The following CACNA1I variants were observed in gnomAD, a reference collection of about 807,000 sequenced individuals.
CACNA1I encodes calcium voltage-gated channel subunit alpha1 I.
A neutral mutation model predicts 201.6 loss-of-function variants in CACNA1I; 74 were observed. That is an observed-to-expected ratio of 0.37 (90% CI 0.30 to 0.45). The LOEUF (loss-of-function observed/expected upper bound fraction) is 0.45, where lower values mean the gene tolerates loss of function less well. Among genes scored for constraint, CACNA1I ranks in the 20% least tolerant of loss-of-function variants. The pLI is 1.00. For missense variants in CACNA1I, 2,346 were observed against 3,138.1 expected (o/e 0.75, Z 6.03); for synonymous variants, 1,431 against 1,345.2 (o/e 1.06, Z -1.40).
rs1291343333 is a variant in CACNA1I, at chr22:39,666,264, C to T, written c.4104+258C>T. 6.6e-6 allele frequency among the ~76,000 whole-genome samples: 1 copy of T among 152,048 alleles called. No individual in the cohort carries two copies. The highest frequency in any genetic ancestry group is 1.5e-5 in the Non-Finnish European group (1 of 68,006). On this transcript the variant is annotated intron_variant, in intron 23 of 36. Coordinates refer to ENST00000402142, the MANE Select transcript of CACNA1I (RefSeq NM_021096.4). This position sits in a 1 kb window ranked among gnomAD's most constrained non-coding sequence, Gnocchi z 4.1. Reference sequence around the variant, plus strand: ...GTGCTTTGTGAACATTGGTTCTTGGCTCCCACCCCCGACCCAGGGACCCCT... The same window carrying T: ...GTGCTTTGTGAACATTGGTTCTTGGTTCCCACCCCCGACCCAGGGACCCCT...
Position 39,684,210 on chromosome 22 carries a change from G to T in CACNA1I, c.5831-92G>T. On this transcript the variant is annotated intron_variant, in intron 35 of 36. Coordinates refer to ENST00000402142, the MANE Select transcript of CACNA1I (RefSeq NM_021096.4). This position sits in a 1 kb window ranked among gnomAD's most constrained non-coding sequence, Gnocchi z 4.6. ...TTTATTAGGTGGCCCCTCACTGCTG[G>T]CCCAGTGAGATTGGTGCTCAATGCC... 1 of 1,059,852 alleles carries T rather than the reference G, an allele frequency of 9.4e-7. No individual in the cohort carries two copies. The highest frequency in any genetic ancestry group is 1.4e-6 in the Non-Finnish European group (1 of 706,242). The allele number at this position is 1,059,852 out of a possible 1,614,324, so 65.7% of individuals were successfully genotyped here. A position where few individuals can be genotyped will look rare whatever the true frequency, so the allele number is the denominator to read the frequency against.
chr22:39,621,677 A>G (rs1933748072), intron 4 of CACNA1I, among the ~76,000 whole-genome samples: 1 of 152,056 alleles, frequency 6.6e-6, no homozygotes, highest in Non-Finnish European at 1.5e-5. Flanking sequence ...TACGATAGAA[A>G]ACGCTGGGGG....
chr22:39,684,641 C>T lies in CACNA1I; in HGVS notation c.6027+143C>T. Reference sequence around the variant, plus strand: ...CACCGTGCAAGGGGGTTTGGGAACGCTGGGGTGACGCTGAGACTGGAGGGG... The same window carrying T: ...CACCGTGCAAGGGGGTTTGGGAACGTTGGGGTGACGCTGAGACTGGAGGGG... On this transcript the variant is annotated intron_variant, in intron 36 of 36. Transcript: ENST00000402142. This position sits in a 1 kb window ranked among gnomAD's most constrained non-coding sequence, Gnocchi z 4.6. The T allele has an allele frequency of 1.2e-6, 1 of 802,738 alleles. No homozygotes were observed. Among genetic ancestry groups the T allele is most frequent in the South Asian group, 1.7e-5 (1 of 60,274 alleles). The allele number at this position is 802,738 out of a possible 1,614,324, so 49.7% of individuals were successfully genotyped here. A position where few individuals can be genotyped will look rare whatever the true frequency, so the allele number is the denominator to read the frequency against.
At chr22:39,670,270 T>C in intron 25 of CACNA1I, 40 bp downstream of exon 25, 2 of 1,589,382 alleles carry the variant, frequency 1.3e-6, no homozygotes, top group Non-Finnish European at 1.7e-6. Flanking sequence ...CACCCAGCTC[T>C]AAGCCCTTCT....
At chr22:39,585,652 T>A (rs932009906) in intron 1 of CACNA1I, among the ~76,000 whole-genome samples, 1 of 138,764 alleles carries the variant, frequency 7.2e-6, no homozygotes, top group Non-Finnish European at 1.5e-5. Context: ...CCTCCCAAAG[T>A]GCTGGGTGAG....
Position 39,677,273 on chromosome 22 carries a change from C to T in CACNA1I, c.4855-68C>T. The stretch of plus-strand genomic sequence containing the variant: ...CCCAACCCCACTGCCCCAGCCTCCA[C>T]CCTTCCCAGGCCTGGTGCGCCCCCA... On this transcript the variant is annotated intron_variant, in intron 29 of 36. Transcript: ENST00000402142. The surrounding 1 kb of genome is among the most constrained non-coding windows in gnomAD (Gnocchi z 4.8). 1.8e-6 allele frequency: 2 copies of T among 1,098,836 alleles called. No homozygotes were observed. Among genetic ancestry groups the T allele is most frequent in the Middle Eastern group, 2.6e-4 (1 of 3,802 alleles). 68.1% of individuals were successfully genotyped at this position (1,098,836 alleles called of 1,614,324 possible). A position where few individuals can be genotyped will look rare whatever the true frequency, so the allele number is the denominator to read the frequency against.
chr22:39,678,714 T>C lies in CACNA1I; in HGVS notation c.5056-393T>C, dbSNP rs546861234. ...ATGGAGTCTTCTTGGGCTTTGTGGT[T>C]GGGGGTTGAGCTGAAAAACCAGAAA... On this transcript the variant is annotated intron_variant, in intron 31 of 36. Coordinates refer to ENST00000402142, the MANE Select transcript of CACNA1I (RefSeq NM_021096.4). Among the ~76,000 whole-genome samples the C allele has an allele frequency of 5.9e-5, 9 of 152,172 alleles. No individual in the cohort carries two copies. The East Asian group carries it at 1.7e-3, about 29-fold the overall frequency.
rs376573537 is a variant in CACNA1I at position 39,598,800 on chromosome 22, C to A, written c.348+538C>A. The stretch of plus-strand genomic sequence containing the variant: ...CTGGGGTGGGGCTTGACCTTTGGTA[C>A]CTGACATAACCCTGTGCAGAGCATG... On this transcript the variant is annotated intron_variant, in intron 2 of 36. Transcript: ENST00000402142. 1.1e-4 allele frequency among the ~76,000 whole-genome samples: 16 copies of A among 152,152 alleles called. No individual in the cohort carries two copies. In the East Asian group the frequency reaches 3.1e-3, roughly 29 times the overall value.
At chr22:39,661,862 TG>T in intron 16 of CACNA1I, 102 bp from the exon 17 acceptor site, 1 of 671,562 alleles carries the variant, frequency 1.5e-6, no homozygotes, top group Non-Finnish European at 2.4e-6. Context: ...GCCAGGTGGG[TG>T]GTCTTAGAGC....
intron 1 of CACNA1I, among the ~76,000 whole-genome samples, chr22:39,579,224 A>G (rs1932467616): frequency 2.0e-5 from 3 of 152,210 alleles, no homozygotes; most frequent in African/African-American, 4.8e-5. Context: ...ATGACCCATC[A>G]GACTCTCTGA....
intron 1 of CACNA1I, among the ~76,000 whole-genome samples, chr22:39,592,674 C>T (rs1932836301): frequency 6.6e-6 from 1 of 152,182 alleles, no homozygotes; most frequent in Admixed American, 6.5e-5. Context: ...CCAGCCCTGC[C>T]CCCTCTGTCA....
chr22:39,662,951 C>T (rs1935075258), intron 18 of CACNA1I, 75 bp downstream of exon 18: 2 of 1,039,572 alleles, frequency 1.9e-6, no homozygotes, highest in Non-Finnish European at 2.9e-6. Flanking sequence ...CCAAGCCAGG[C>T]AAGGCCATTG....
chr22:39,581,283 C>G (rs773306740), intron 1 of CACNA1I, among the ~76,000 whole-genome samples: 3 of 152,148 alleles, frequency 2.0e-5, no homozygotes, highest in Non-Finnish European at 4.4e-5. Context: ...TGATCAAGGG[C>G]TCAGAGCTGA....
intron 1 of CACNA1I, among the ~76,000 whole-genome samples, chr22:39,574,231 C>G (rs1932271717): frequency 6.6e-6 from 1 of 152,182 alleles, no homozygotes; most frequent in African/African-American, 2.4e-5. Context: ...TTCTGTGTTT[C>G]AAAGAGTGTG....
intron 16 of CACNA1I, among the ~76,000 whole-genome samples, 185 bp from the exon 17 acceptor site, chr22:39,661,780 C>T (rs1479282650): frequency 6.6e-6 from 1 of 152,348 alleles, no homozygotes; most frequent in African/African-American, 2.4e-5. Flanking sequence ...CCCCATGTCC[C>T]TGTGGATGTG....
At position 39,682,531 on chromosome 22, in the gene CACNA1I, A is replaced by C. The variant is rs199953747; in HGVS notation, c.5700A>C (p.Gly1900=). Residue 1900 remains glycine (G), a synonymous_variant, in exon 35 of 37, where the codon GGA becomes GGC. Transcript: ENST00000402142. ...ELDPPEPMRV[G]DLGECFFPLS... ...ACCCACCTGAGCCCATGCGTGTGGG[A>C]GACCTGGGCGAATGCTTCTTCCCCT... 5.6e-6 allele frequency: 9 copies of C among 1,613,742 alleles called. No individual in the cohort carries two copies. The East Asian group carries it at 2.0e-4, about 36-fold the overall frequency.
In CACNA1I at chr22:39,660,361, C is replaced by G. The variant is rs1320087870; in HGVS notation, c.2622C>G (p.Ser874=). ...GFQAEGDANR[S]YSDEDQSSSN... ...TCTCCCAGGGTGACGCCAATCGCTC[C>G]TACTCGGACGAGGACCAGAGCTCAT... Residue 874 remains serine, a synonymous_variant, in exon 15 of 37, where the codon TCC becomes TCG. Coordinates refer to ENST00000402142, the MANE Select transcript of CACNA1I (RefSeq NM_021096.4). 2 of 1,612,738 alleles carry G rather than the reference C, an allele frequency of 1.2e-6. No homozygotes were observed. Among genetic ancestry groups the G allele is most frequent in the Non-Finnish European group, 1.7e-6 (2 of 1,179,570 alleles).
intron 5 of CACNA1I, among the ~76,000 whole-genome samples, chr22:39,635,410 G>GTGCC (rs1167676363): frequency 1.3e-5 from 2 of 152,168 alleles, no homozygotes; most frequent in East Asian, 3.9e-4. Flanking sequence ...CCTCTAGTGA[G>GTGCC]TGCCTCTCAG....
intron 1 of CACNA1I, among the ~76,000 whole-genome samples, chr22:39,594,506 C>T (rs547308260): frequency 6.6e-6 from 1 of 152,172 alleles, no homozygotes; most frequent in South Asian, 2.1e-4. Flanking sequence ...AAATTAATTA[C>T]AGGCTATGGC....
Sources: gnomAD v4.1 joint callset for allele counts (sites outside exome capture counted in the v4.1 genomes callset) on GRCh38, gnomAD v4.1.1 for gene constraint, Gnocchi (gnomAD v3.1) non-coding constraint, MANE v1.5 for transcripts, NCBI Gene and HGNC (gene_info 2026-07-23, HGNC 2026-07-21) for gene names.